MIXL1: variants seen among roughly 807,000 people sequenced by gnomAD.
The protein encoded by MIXL1 is Mix paired-like homeobox, also known as homeobox protein MIXL1.
A neutral mutation model predicts 9.3 loss-of-function variants in MIXL1; 9 were observed. The ratio of observed to expected loss-of-function variants is 0.97; its 90% confidence interval spans 0.58 to 1.69. MIXL1 has a LOEUF of 1.69. Among genes scored for constraint, MIXL1 ranks in the 40% most tolerant of loss-of-function variants. The probability of loss-of-function intolerance (pLI) is 0.00; values close to 1 mark genes in which losing one functional copy is unlikely to be tolerated. For synonymous variants in MIXL1, 164 were observed against 155.6 expected (o/e 1.05, Z -0.40); for missense variants, 330 against 331.7 (o/e 0.99, Z 0.04).
At chr1:226,225,385 A>G in intron 1 of MIXL1, 122 bp from the exon 2 acceptor site, 1 of 1,118,372 alleles carries the variant, frequency 8.9e-7, no homozygotes, top group South Asian at 1.6e-5. Context: ...CTTTCTGAAG[A>G]CAAGGCTCTG....
At chr1:226,224,594 T>C (rs1281646544) in intron 1 of MIXL1, among the ~76,000 whole-genome samples, 1 of 152,208 alleles carries the variant, frequency 6.6e-6, no homozygotes, top group Admixed American at 6.5e-5. Flanking sequence ...ACCTGGAGCT[T>C]GTTTTCAGTT....
rs760150742 is a variant in MIXL1 at position 226,223,954 on chromosome 1, G to C, written c.273G>C (p.Thr91=). 2.8e-6 allele frequency: 4 copies of C among 1,441,518 alleles called. No homozygotes were observed. In the South Asian group the frequency reaches 6.1e-5, roughly 22 times the overall value. 89.3% of individuals were successfully genotyped at this position (1,441,518 alleles called of 1,614,324 possible). A position where few individuals can be genotyped will look rare whatever the true frequency, so the allele number is the denominator to read the frequency against. ...APSASQRRKR[T]SFSAEQLQLL... is the part of the protein sequence containing the mutation. ...CGGCGTCGCAGCGCCGCAAGCGCACGTCTTTCAGCGCCGAACAGCTGCAGC... is the reference window on the plus strand; with the variant it reads ...CGGCGTCGCAGCGCCGCAAGCGCACCTCTTTCAGCGCCGAACAGCTGCAGC... The change falls in exon 1 of 2, where the codon ACG becomes ACC. Residue 91 remains threonine, a synonymous_variant. Coordinates refer to ENST00000366810, the MANE Select transcript of MIXL1 (RefSeq NM_031944.3).
intron 1 of MIXL1, 93 bp downstream of exon 1, chr1:226,224,167 C>T (rs1657094928): frequency 1.7e-6 from 2 of 1,153,728 alleles, no homozygotes; most frequent in African/African-American, 1.6e-5. Context: ...ACACCCGGGA[C>T]GTTGCAGGCA....
intron 1 of MIXL1, among the ~76,000 whole-genome samples, chr1:226,224,744 A>T (rs1320009185): frequency 6.6e-6 from 1 of 152,096 alleles, no homozygotes; most frequent in Non-Finnish European, 1.5e-5. Context: ...GGTTCAAGTG[A>T]TTCTCCTGCC....
At position 226,223,744 on chromosome 1, in the gene MIXL1, G is replaced by T; in HGVS notation, c.63G>T (p.Arg21=). The stretch of plus-strand genomic sequence containing the variant: ...AGGGCGCCGCGTTTCCAGCGTACCG[G>T]GCCCCCCACGCCGGCGGGGCGCTCC... ...FAEGAAFPAY[R]APHAGGALLP... is the part of the protein sequence containing the mutation. Residue 21 remains arginine (R), a synonymous_variant, in exon 1 of 2, where the codon CGG becomes CGT. Transcript: ENST00000366810. The T allele has an allele frequency of 6.9e-7, 1 of 1,441,622 alleles. No individual in the cohort carries two copies. The highest frequency in any genetic ancestry group is 9.1e-7 in the Non-Finnish European group (1 of 1,100,544). The allele number at this position is 1,441,622 out of a possible 1,614,324, so 89.3% of individuals were successfully genotyped here.
Position 226,223,816 on chromosome 1 carries a change from G to T in MIXL1, c.135G>T (p.Ala45=). The change falls in exon 1 of 2, where the codon GCG becomes GCT. Residue 45 remains alanine (A), a synonymous_variant. Transcript: ENST00000366810. ...PAAALLPAPP[A]GPGPATFAGF... is the part of the protein sequence containing the mutation. ...CAGCCCTGCTCCCTGCGCCGCCCGC[G>T]GGCCCCGGCCCAGCGACCTTTGCGG... 1 of 1,220,796 alleles carries T rather than the reference G, an allele frequency of 8.2e-7. No homozygotes were observed. Among genetic ancestry groups the T allele is most frequent in the Non-Finnish European group, 1.0e-6 (1 of 982,206 alleles). 75.6% of individuals were successfully genotyped at this position (1,220,796 alleles called of 1,614,324 possible). A position where few individuals can be genotyped will look rare whatever the true frequency, so the allele number is the denominator to read the frequency against.
Position 226,225,821 on chromosome 1 carries a change from G to T in MIXL1, c.*9G>T. ...CCTTTGGTAACTTTTGAGGATTCTGGGAGAATTCGGGATAAGCTCTGAGGA... is the reference window on the plus strand; with the variant it reads ...CCTTTGGTAACTTTTGAGGATTCTGTGAGAATTCGGGATAAGCTCTGAGGA... On this transcript the variant is annotated 3_prime_UTR_variant, in exon 2 of 2. Coordinates refer to ENST00000366810, the MANE Select transcript of MIXL1 (RefSeq NM_031944.3). The T allele has an allele frequency of 1.3e-6, 2 of 1,597,882 alleles. No individual in the cohort carries two copies. The highest frequency in any genetic ancestry group is 2.3e-5 in the South Asian group (2 of 88,308).
rs751342945 is a variant in MIXL1, at chr1:226,225,599, T to A, written c.486T>A (p.Cys162Ter). The change falls in exon 2 of 2, where the codon TGT becomes TGA. Residue 162 changes from cysteine to a stop codon, truncating the protein, a stop_gained. Transcript: ENST00000366810. LOFTEE classifies it low-confidence loss of function (END_TRUNC). ...LARPEIILNH[C>*]APGTETKCLK... ...GGCCGGAGATTATCCTCAACCACTG[T>A]GCTCCTGGAACTGAAACGAAATGTC... 21 of 1,614,120 alleles carry A rather than the reference T, an allele frequency of 1.3e-5. No individual in the cohort carries two copies. Among genetic ancestry groups the A allele is most frequent in the Non-Finnish European group, 1.8e-5 (21 of 1,180,054 alleles).
rs751938737 is a variant in MIXL1 at position 226,223,975 on chromosome 1, G to C, written c.294G>C (p.Leu98=). The change falls in exon 1 of 2, where the codon CTG becomes CTC. Residue 98 remains leucine, a synonymous_variant. Transcript: ENST00000366810. ...GCACGTCTTTCAGCGCCGAACAGCTGCAGCTGCTGGAGCTCGTCTTCCGCC... is the reference window on the plus strand; with the variant it reads ...GCACGTCTTTCAGCGCCGAACAGCTCCAGCTGCTGGAGCTCGTCTTCCGCC... ...RKRTSFSAEQ[L]QLLELVFRRT... is the part of the protein sequence containing the mutation. The C allele has an allele frequency of 2.1e-6, 3 of 1,447,770 alleles. No homozygotes were observed. In the East Asian group the frequency reaches 8.2e-5, roughly 39 times the overall value. 89.7% of individuals were successfully genotyped at this position (1,447,770 alleles called of 1,614,324 possible).
Position 226,226,278 on chromosome 1 carries a change from T to C in MIXL1, c.*466T>C, listed in dbSNP as rs921110301. 4 of 154,036 alleles carry C rather than the reference T, an allele frequency of 2.6e-5. No individual in the cohort carries two copies. The highest frequency in any genetic ancestry group is 7.2e-5 in the African/African-American group (3 of 41,412). The allele number at this position is 154,036 out of a possible 1,614,324, so 9.5% of individuals were successfully genotyped here. ...ACCCTCATCCTAGGTTTATTACTTTTTAAAATTGGGCCTGTCATCTTCACG... is the reference window on the plus strand; with the variant it reads ...ACCCTCATCCTAGGTTTATTACTTTCTAAAATTGGGCCTGTCATCTTCACG... On this transcript the variant is annotated 3_prime_UTR_variant, in exon 2 of 2. Transcript: ENST00000366810.
chr1:226,224,113 G>A, intron 1 of MIXL1, 39 bp downstream of exon 1: 5 of 1,260,656 alleles, frequency 4.0e-6, no homozygotes, highest in Non-Finnish European at 5.0e-6. Context: ...CGCTGGAGCG[G>A]AGGCGCTGCG....
chr1:226,223,812 C>A lies in MIXL1; in HGVS notation c.131C>A (p.Pro44His). The change falls in exon 1 of 2, where the codon CCC becomes CAC. Residue 44 changes from proline (P) to histidine (H), a missense_variant. By Grantham distance (77) the Pro-to-His change is moderately conservative (BLOSUM62 -2). Coordinates refer to ENST00000366810, the MANE Select transcript of MIXL1 (RefSeq NM_031944.3). ...SPAAALLPAP[P>H]AGPGPATFAG... The stretch of plus-strand genomic sequence containing the variant: ...GCGGCAGCCCTGCTCCCTGCGCCGC[C>A]CGCGGGCCCCGGCCCAGCGACCTTT... 1 of 1,225,698 alleles carries A rather than the reference C, an allele frequency of 8.2e-7. No individual in the cohort carries two copies. The highest frequency in any genetic ancestry group is 1.0e-6 in the Non-Finnish European group (1 of 984,942). 75.9% of individuals were successfully genotyped at this position (1,225,698 alleles called of 1,614,324 possible). A position where few individuals can be genotyped will look rare whatever the true frequency, so the allele number is the denominator to read the frequency against.
chr1:226,224,185 T>C, intron 1 of MIXL1, 111 bp downstream of exon 1: 1 of 1,026,250 alleles, frequency 9.7e-7, no homozygotes, highest in Non-Finnish European at 1.2e-6. Flanking sequence ...GCACGGTGCT[T>C]CCCCTGAGGC....
At chr1:226,224,449 C>G (rs533530989) in intron 1 of MIXL1, among the ~76,000 whole-genome samples, 1 of 152,230 alleles carries the variant, frequency 6.6e-6, no homozygotes, top group African/African-American at 2.4e-5. Flanking sequence ...TTTCCTCTGG[C>G]TTTGAGCGTG....
In MIXL1 at chr1:226,223,982, C is replaced by T; in HGVS notation, c.301C>T (p.Leu101=). The T allele has an allele frequency of 6.9e-7, 1 of 1,447,636 alleles. No homozygotes were observed. The highest frequency in any genetic ancestry group is 1.4e-5 in the African/African-American group (1 of 69,688). 89.7% of individuals were successfully genotyped at this position (1,447,636 alleles called of 1,614,324 possible). ...TTTCAGCGCCGAACAGCTGCAGCTGCTGGAGCTCGTCTTCCGCCGGACCCG... is the reference window on the plus strand; with the variant it reads ...TTTCAGCGCCGAACAGCTGCAGCTGTTGGAGCTCGTCTTCCGCCGGACCCG... ...TSFSAEQLQL[L]ELVFRRTRYP... is the part of the protein sequence containing the mutation. Residue 101 remains leucine, a synonymous_variant, in exon 1 of 2, where the codon CTG becomes TTG. Transcript: ENST00000366810.
At position 226,225,730 on chromosome 1, in the gene MIXL1, C is replaced by G; in HGVS notation, c.617C>G (p.Thr206Ser). The G allele has an allele frequency of 6.2e-7, 1 of 1,614,104 alleles. No homozygotes were observed. The highest frequency in any genetic ancestry group is 1.3e-5 in the African/African-American group (1 of 75,044). ...AGCTCCCAAGGTCAGAATTTTGAAA[C>G]CTGTTCCCCTCTCTCTGAAGACATT... Reference protein sequence around the residue: ...DSSSQGQNFETCSPLSEDIGS... With the variant: ...DSSSQGQNFESCSPLSEDIGS... The change falls in exon 2 of 2, where the codon ACC (threonine) becomes AGC (serine). Residue 206 changes from threonine (T) to serine (S), a missense_variant. By Grantham distance (58) the Thr-to-Ser change is moderately conservative. Transcript: ENST00000366810.
At chr1:226,225,119 A>G (rs999709851) in intron 1 of MIXL1, among the ~76,000 whole-genome samples, 1 of 152,206 alleles carries the variant, frequency 6.6e-6, no homozygotes, top group African/African-American at 2.4e-5. Flanking sequence ...GTCAGTCTCA[A>G]CAGCTGGCAT....
Position 226,225,841 on chromosome 1 carries a change from T to C in MIXL1, c.*29T>C. ...TTCTGGGAGAATTCGGGATAAGCTCTGAGGAGCCATGACTGACAGCCTGGG... is the reference window on the plus strand; with the variant it reads ...TTCTGGGAGAATTCGGGATAAGCTCCGAGGAGCCATGACTGACAGCCTGGG... On this transcript the variant is annotated 3_prime_UTR_variant, in exon 2 of 2. Coordinates refer to ENST00000366810, the MANE Select transcript of MIXL1 (RefSeq NM_031944.3). 1 of 1,558,832 alleles carries C rather than the reference T, an allele frequency of 6.4e-7. No homozygotes were observed. Among genetic ancestry groups the C allele is most frequent in the Non-Finnish European group, 8.7e-7 (1 of 1,143,640 alleles).
chr1:226,225,572 T>C lies in MIXL1; in HGVS notation c.459T>C (p.Ala153=), dbSNP rs752574402. 3 of 1,614,238 alleles carry C rather than the reference T, an allele frequency of 1.9e-6. No individual in the cohort carries two copies. In the Admixed American group the frequency reaches 5.0e-5, roughly 27 times the overall value. The change falls in exon 2 of 2, where the codon GCT becomes GCC. Residue 153 remains alanine (A), a synonymous_variant. Transcript: ENST00000366810. The part of the protein sequence containing the change: ...RQSGKSFQPL[A]RPEIILNHCA... ...GTGGGAAATCCTTCCAACCTTTGGC[T>C]AGGCCGGAGATTATCCTCAACCACT...
Sources: gnomAD v4.1 joint callset for allele counts (sites outside exome capture counted in the v4.1 genomes callset) on GRCh38, gnomAD v4.1.1 for gene constraint, MANE v1.5 for transcripts, NCBI Gene and HGNC (gene_info 2026-07-23, HGNC 2026-07-21) for gene names.